The following VPS13A variants were observed in gnomAD, a reference collection of about 807,000 sequenced individuals.
The protein encoded by VPS13A is vacuolar protein sorting 13 homolog A.
VPS13A carries 264 observed loss-of-function variants against 390.9 expected under a neutral mutation model. That is an observed-to-expected ratio of 0.68 (90% CI 0.61 to 0.75). The LOEUF (loss-of-function observed/expected upper bound fraction) is 0.75. Ranked by LOEUF, VPS13A falls within the 30% of genes least tolerant of loss-of-function variation. The probability of loss-of-function intolerance (pLI) is 0.00; values close to 1 mark genes in which losing one functional copy is unlikely to be tolerated. For missense variants in VPS13A, 3,409 were observed against 3,733.9 expected (o/e 0.91, Z 2.27); for synonymous variants, 1,231 against 1,227.1 (o/e 1.00, Z -0.07).
chr9:77,409,224 A>G (rs986525626), intron 71 of VPS13A, among the ~76,000 whole-genome samples: 46 of 152,370 alleles, frequency 3.0e-4, no homozygotes, highest in Admixed American at 3.3e-4. Context: ...ACAGACCTGC[A>G]GCTGAGGGTC....
intron 39 of VPS13A, among the ~76,000 whole-genome samples, chr9:77,317,224 T>C (rs1025194055): frequency 9.9e-5 from 15 of 152,158 alleles, no homozygotes; most frequent in Non-Finnish European, 2.1e-4. Flanking sequence ...AGAGAGAGAA[T>C]AGAAAATGGA....
At chr9:77,196,743 A>G (rs1347881921) in intron 1 of VPS13A, among the ~76,000 whole-genome samples, 1 of 151,908 alleles carries the variant, frequency 6.6e-6, no homozygotes, top group Non-Finnish European at 1.5e-5. Context: ...TTAGCAGTGC[A>G]TCTGTTTGTA....
chr9:77,405,489 T>C (rs1391420173), intron 69 of VPS13A, among the ~76,000 whole-genome samples: 1 of 152,214 alleles, frequency 6.6e-6, no homozygotes, highest in Non-Finnish European at 1.5e-5. Flanking sequence ...ATAAATATGT[T>C]GTGTTATAAA....
At chr9:77,319,512 A>C in intron 41 of VPS13A, 60 bp from the exon 42 acceptor site, 3 of 1,204,112 alleles carry the variant, frequency 2.5e-6, no homozygotes, top group Non-Finnish European at 3.7e-6. Context: ...AACAGGGCTA[A>C]AAAACATGGT....
rs1246516223 is a variant in VPS13A, at chr9:77,344,245, G to A, written c.7119G>A (p.Lys2373=). The change falls in exon 51 of 72, where the codon AAG becomes AAA. Residue 2373 remains lysine (K), a synonymous_variant. Coordinates refer to ENST00000360280, the MANE Select transcript of VPS13A (RefSeq NM_033305.3). ...CTCCCAAAAGGATATATTTTAACAAGCAGGAAAATTGTATTCTATTGCGTC... is the reference window on the plus strand; with the variant it reads ...CTCCCAAAAGGATATATTTTAACAAACAGGAAAATTGTATTCTATTGCGTC... ...EDPPKRIYFN[K]QENCILLRLD... is the part of the protein sequence containing the mutation. 5 of 1,613,346 alleles carry A rather than the reference G, an allele frequency of 3.1e-6. No homozygotes were observed. Among genetic ancestry groups the A allele is most frequent in the Non-Finnish European group, 4.2e-6 (5 of 1,179,656 alleles).
At chr9:77,197,933 C>T (rs1825098890) in intron 1 of VPS13A, among the ~76,000 whole-genome samples, 1 of 152,122 alleles carries the variant, frequency 6.6e-6, no homozygotes, top group Non-Finnish European at 1.5e-5. Flanking sequence ...CACATTTATT[C>T]ACACGTAAGT....
intron 71 of VPS13A, among the ~76,000 whole-genome samples, chr9:77,409,073 G>A (rs940191152): frequency 1.4e-4 from 21 of 152,268 alleles, no homozygotes; most frequent in African/African-American, 3.1e-4. Flanking sequence ...CACCTCACAC[G>A]GCCAGGTACT....
At chr9:77,310,005 G>T (rs1480494368) in intron 35 of VPS13A, among the ~76,000 whole-genome samples, 2 of 152,090 alleles carry the variant, frequency 1.3e-5, no homozygotes, top group Non-Finnish European at 2.9e-5. Flanking sequence ...GACAATGGAG[G>T]AATCTATTCA....
intron 68 of VPS13A, among the ~76,000 whole-genome samples, chr9:77,386,953 C>T (rs1833713746): frequency 6.6e-6 from 1 of 152,004 alleles, no homozygotes; most frequent in African/African-American, 2.4e-5. Context: ...ATCCGCCTGC[C>T]TCGGCCTCCC....
At chr9:77,406,337 CTAACATTAAT>C (rs1834607374) in intron 70 of VPS13A, among the ~76,000 whole-genome samples, 1 of 152,190 alleles carries the variant, frequency 6.6e-6, no homozygotes, top group Non-Finnish European at 1.5e-5. Context: ...TTTTCCCTTT[CTAACATTAAT>C]ACATTCTCTT....
rs900380092 is a variant in VPS13A, at chr9:77,416,574, C to T, written c.*568C>T. The T allele has an allele frequency of 2.6e-5, 4 of 152,642 alleles. No homozygotes were observed. Among genetic ancestry groups the T allele is most frequent in the Middle Eastern group, 3.2e-3 (1 of 316 alleles). 9.5% of individuals were successfully genotyped at this position (152,642 alleles called of 1,614,324 possible). On this transcript the variant is annotated 3_prime_UTR_variant, in exon 72 of 72. Transcript: ENST00000360280. Reference sequence around the variant, plus strand: ...ATATAAAGGATAGGTTTGAATTGTACTTAAAATGCATAGCATTATTAAAAA... The same window carrying T: ...ATATAAAGGATAGGTTTGAATTGTATTTAAAATGCATAGCATTATTAAAAA...
At chr9:77,404,314 T>C (rs534281468) in intron 69 of VPS13A, among the ~76,000 whole-genome samples, 1 of 152,198 alleles carries the variant, frequency 6.6e-6, no homozygotes. Flanking sequence ...TATACCATTA[T>C]GTACTTAGTT....
At position 77,205,997 on chromosome 9, in the gene VPS13A, A is replaced by G. The variant is rs957175708; in HGVS notation, c.303A>G (p.Leu101=). The part of the protein sequence containing the change: ...VPSSRIKYDP[L]KEEKQLMEAK... ...CTATAGGAATAAAATATGATCCTTTAAAAGAAGAGAAACAACTCATGGAAG... is the reference window on the plus strand; with the variant it reads ...CTATAGGAATAAAATATGATCCTTTGAAAGAAGAGAAACAACTCATGGAAG... Residue 101 remains leucine (L), a synonymous_variant, in exon 5 of 72, where the codon TTA becomes TTG. Transcript: ENST00000360280. 78 of 1,575,194 alleles carry G rather than the reference A, an allele frequency of 5.0e-5. No individual in the cohort carries two copies. Among genetic ancestry groups the G allele is most frequent in the Non-Finnish European group, 6.6e-5 (77 of 1,158,008 alleles).
chr9:77,224,497 G>T (rs1323192858), intron 13 of VPS13A, among the ~76,000 whole-genome samples: 2 of 152,162 alleles, frequency 1.3e-5, no homozygotes, highest in Admixed American at 6.6e-5. Context: ...CAACCCTCAT[G>T]GAAGACCTTG....
intron 59 of VPS13A, among the ~76,000 whole-genome samples, chr9:77,364,640 CATT>C (rs1336374436): frequency 2.0e-5 from 3 of 152,122 alleles, no homozygotes; most frequent in Non-Finnish European, 4.4e-5. Flanking sequence ...AATTCTGGCT[CATT>C]AGTCTGGGAG....
chr9:77,244,829 A>G (rs1411227493), intron 19 of VPS13A, among the ~76,000 whole-genome samples: 3 of 152,084 alleles, frequency 2.0e-5, no homozygotes, highest in Non-Finnish European at 2.9e-5. Context: ...AGATGCCCCA[A>G]TTTAGTCTTG....
rs148891181 is a variant in VPS13A at position 77,314,642 on chromosome 9, C to A, written c.4390C>A (p.His1464Asn). 2.8e-4 allele frequency: 455 copies of A among 1,612,394 alleles called. No homozygotes were observed. Among genetic ancestry groups the A allele is most frequent in the Admixed American group, 5.7e-4 (34 of 59,984 alleles). Residue 1464 changes from histidine (H) to asparagine (N), a missense_variant, in exon 37 of 72, where the codon CAT (histidine) becomes AAT (asparagine). Physicochemically the swap from His to Asn is moderately conservative, Grantham distance 68 (BLOSUM62 1). Transcript: ENST00000360280. Reference protein sequence around the residue: ...KNCILDDKRPHVKKATPRMIG... With the variant: ...KNCILDDKRPNVKKATPRMIG... ...CTGTATTTTAGATGATAAAAGACCT[C>A]ATGTCAAGAAAGCAACTCCTCGGTA...
chr9:77,381,988 T>A lies in VPS13A; in HGVS notation c.9090T>A (p.Thr3030=). ...TTTTTTCCTCTAGAGCTACAGAGAC[T>A]TCTGAAGTGGAGAGTCTGCGACCTC... The part of the protein sequence containing the change: ...TFQGIKRATE[T]SEVESLRPPR... The change falls in exon 68 of 72, where the codon ACT becomes ACA. Residue 3030 remains threonine (T), a synonymous_variant. Transcript: ENST00000360280. 6.2e-7 allele frequency: 1 copy of A among 1,604,920 alleles called. No homozygotes were observed. The highest frequency in any genetic ancestry group is 8.5e-7 in the Non-Finnish European group (1 of 1,174,966).
At chr9:77,207,463 A>G (rs933156521) in intron 5 of VPS13A, among the ~76,000 whole-genome samples, 3 of 150,542 alleles carry the variant, frequency 2.0e-5, no homozygotes, top group East Asian at 1.9e-4. Context: ...CATCTTCTCT[A>G]TATAGTTCTG....
Sources: allele counts gnomAD v4.1 joint callset (sites outside exome capture counted in the v4.1 genomes callset), GRCh38; gene constraint gnomAD v4.1.1; transcripts MANE v1.5; gene names NCBI Gene and HGNC (gene_info 2026-07-23, HGNC 2026-07-21).